Variants in HDAC9 observed in about 807,000 individuals in gnomAD.
HDAC9 encodes MEF-2 interacting transcription repressor (MITR) protein.
Under a neutral mutation model 139.4 loss-of-function variants are expected in HDAC9, and 41 were observed. The observed-to-expected ratio is 0.29, with a 90% confidence interval of 0.23 to 0.38. HDAC9 has a LOEUF of 0.38. Ranked by LOEUF, HDAC9 falls within the 10% of genes least tolerant of loss-of-function variation. HDAC9 has a pLI of 1.00. For missense variants in HDAC9, 1,147 were observed against 1,297.0 expected (o/e 0.88, Z 1.78); for synonymous variants, 517 against 476.2 (o/e 1.09, Z -1.12).
At chr7:18,109,013 A>G (rs1783426476) in intron 1 of HDAC9, among the ~76,000 whole-genome samples, 1 of 152,166 alleles carries the variant, frequency 6.6e-6, no homozygotes, top group South Asian at 2.1e-4. Context: ...CATGTATAAG[A>G]CAGTAAATTT....
chr7:18,446,251 A>G (rs1053859248), intron 1 of HDAC9, among the ~76,000 whole-genome samples: 2 of 152,244 alleles, frequency 1.3e-5, no homozygotes, highest in African/African-American at 4.8e-5. Context: ...CCAAAAATAA[A>G]TAGTTTATTG....
chr7:18,580,064 G>T (rs1249218798), intron 2 of HDAC9, among the ~76,000 whole-genome samples: 3 of 152,130 alleles, frequency 2.0e-5, no homozygotes, highest in Non-Finnish European at 4.4e-5. Context: ...GAAGAAGTAA[G>T]AAATACTCTG....
intron 1 of HDAC9, among the ~76,000 whole-genome samples, chr7:18,474,734 A>G (rs962127092): frequency 6.6e-6 from 1 of 152,146 alleles, no homozygotes; most frequent in Non-Finnish European, 1.5e-5. Context: ...AAAGTCAGAG[A>G]CACAAAAACA....
intron 2 of HDAC9, among the ~76,000 whole-genome samples, chr7:18,559,841 T>A (rs1820041296): frequency 6.6e-6 from 1 of 152,206 alleles, no homozygotes; most frequent in African/African-American, 2.4e-5. Flanking sequence ...TAAGGTCTTT[T>A]AAAAATGTCT....
At chr7:18,289,960 T>C, upstream of HDAC9, 1 of 152,790 alleles carries the variant, frequency 6.5e-6, no homozygotes, top group Non-Finnish European at 1.5e-5. Flanking sequence ...GGGCCCCCAG[T>C]TGTGGAAGTT....
chr7:18,132,459 A>T (rs544625617), intron 1 of HDAC9, among the ~76,000 whole-genome samples: 42 of 152,132 alleles, frequency 2.8e-4, no homozygotes, highest in African/African-American at 7.7e-4. Flanking sequence ...GCCCAGGTTA[A>T]AGTGCAGCGG....
At chr7:18,910,201 G>GT (rs1802621981) in intron 22 of HDAC9, among the ~76,000 whole-genome samples, 1 of 149,312 alleles carries the variant, frequency 6.7e-6, no homozygotes, top group South Asian at 2.1e-4. Flanking sequence ...AACATGGGAT[G>GT]TTTTTTACTT....
intron 1 of HDAC9, among the ~76,000 whole-genome samples, chr7:18,408,093 G>A (rs1490107042): frequency 2.6e-5 from 4 of 152,152 alleles, no homozygotes; most frequent in South Asian, 2.1e-4. Flanking sequence ...TATACTTGGC[G>A]CAAAGTTGGT....
At chr7:18,144,333 T>C (rs1179118222) in intron 1 of HDAC9, among the ~76,000 whole-genome samples, 1 of 152,206 alleles carries the variant, frequency 6.6e-6, no homozygotes, top group Non-Finnish European at 1.5e-5. Flanking sequence ...TCCTGATTAC[T>C]GTAACTGGAA....
chr7:18,685,268 A>G (rs148701878), intron 12 of HDAC9, among the ~76,000 whole-genome samples: 2 of 152,116 alleles, frequency 1.3e-5, no homozygotes, highest in East Asian at 1.9e-4. Context: ...TGTGTGTTCT[A>G]ACTATATCAC....
intron 2 of HDAC9, among the ~76,000 whole-genome samples, chr7:18,281,388 C>T (rs1353813683): frequency 3.9e-5 from 6 of 152,128 alleles, no homozygotes; most frequent in African/African-American, 1.2e-4. Flanking sequence ...TGCTTAAGTA[C>T]TTAATTTAAG....
rs1326120850 is a variant in HDAC9, at chr7:18,768,727, G to C, written c.2214+1572G>C. Among the ~76,000 whole-genome samples the C allele has an allele frequency of 2.0e-5, 3 of 152,120 alleles. No homozygotes were observed. In the East Asian group the frequency reaches 5.8e-4, roughly 29 times the overall value. ...GTGGAGGAAATCAAAGCTATTAAAA[G>C]GGTGGCAGTCATCAAACCCCACTCT... is the stretch of plus-strand genomic sequence containing the variant. On this transcript the variant is annotated intron_variant, in intron 16 of 25. Coordinates refer to ENST00000686413, the MANE Select transcript of HDAC9 (RefSeq NM_178425.4).
In HDAC9 at chr7:18,369,855, T is replaced by C. The variant is rs62446960; in HGVS notation, c.-42+79340T>C. Among the ~76,000 whole-genome samples the C allele has an allele frequency of 9.9e-3, 1,505 of 152,244 alleles. 15 individuals carry two copies. The highest frequency in any genetic ancestry group is 0.015 in the Non-Finnish European group (989 of 68,000). On this transcript the variant is annotated intron_variant, in intron 1 of 3. Coordinates refer to the HDAC9 transcript ENST00000413509. ...GGATTGTTTGCATCCGTGTAACTGC[T>C]GCTCTGAGGGGAAATAAAGTTTATA... is the stretch of plus-strand genomic sequence containing the variant.
intron 1 of HDAC9, among the ~76,000 whole-genome samples, chr7:18,310,183 A>G (rs1799212003): frequency 6.6e-6 from 1 of 151,648 alleles, no homozygotes; most frequent in Admixed American, 6.6e-5. Flanking sequence ...GGTTGGGGGG[A>G]ATGATCAGGA....
At chr7:18,172,678 A>G (rs1173789757) in intron 2 of HDAC9, among the ~76,000 whole-genome samples, 2 of 152,198 alleles carry the variant, frequency 1.3e-5, no homozygotes, top group Non-Finnish European at 2.9e-5. Flanking sequence ...TTCAAAGAAC[A>G]TCTTTATTTC....
chr7:18,191,152 A>G (rs1188415130), intron 2 of HDAC9, among the ~76,000 whole-genome samples: 2 of 152,230 alleles, frequency 1.3e-5, no homozygotes, highest in Non-Finnish European at 2.9e-5. Context: ...GATAACATAA[A>G]CCATTGATTA....
chr7:18,295,555 A>T (rs1798088101), intron 1 of HDAC9, among the ~76,000 whole-genome samples: 1 of 152,184 alleles, frequency 6.6e-6, no homozygotes, highest in Non-Finnish European at 1.5e-5. Flanking sequence ...AAATTATCTT[A>T]CTTCTATCTT....
chr7:18,169,823 T>C (rs1444181507), intron 2 of HDAC9, among the ~76,000 whole-genome samples: 4 of 152,230 alleles, frequency 2.6e-5, no homozygotes, highest in Non-Finnish European at 1.5e-5. Flanking sequence ...TATTCCATGG[T>C]GTATATTTGC....
rs62449109 is a variant in HDAC9, at chr7:18,215,173, A to G, written c.25+52824A>G. On this transcript the variant is annotated intron_variant, in intron 2 of 12. Transcript: ENST00000417496. ...AATTTTATATCCAAACAATTACTGA[A>G]CTCTATTTTTCATATTTCACAGAGT... is the stretch of plus-strand genomic sequence containing the variant. Among the ~76,000 whole-genome samples, 1,502 of 152,192 alleles carry G rather than the reference A, an allele frequency of 9.9e-3. 15 individuals carry two copies. Among genetic ancestry groups the G allele is most frequent in the Non-Finnish European group, 0.015 (1,040 of 67,990 alleles).
Sources: allele counts gnomAD v4.1 joint callset (sites outside exome capture counted in the v4.1 genomes callset), GRCh38; gene constraint gnomAD v4.1.1; transcripts MANE v1.5; gene names NCBI Gene and HGNC (gene_info 2026-07-23, HGNC 2026-07-21).